The following CYBA variants were observed in gnomAD, a reference collection of about 807,000 sequenced individuals.
The protein encoded by CYBA is cytochrome b-245 light chain.
In CYBA, 21 loss-of-function variants were observed where a neutral mutation model predicts 20.8. That is an observed-to-expected ratio of 1.01 (90% CI 0.72 to 1.46). The LOEUF is 1.46. Among genes scored for constraint, CYBA ranks in the 40% most tolerant of loss-of-function variants. The pLI is 0.00. For synonymous variants in CYBA, 164 were observed against 127.5 expected (o/e 1.29, Z -1.93); for missense variants, 344 against 287.0 (o/e 1.20, Z -1.43).
At chr16:88,646,898 G>T in intron 3 of CYBA, 60 bp from the exon 4 acceptor site, 1 of 1,432,138 alleles carries the variant, frequency 7.0e-7, no homozygotes, top group Non-Finnish European at 9.8e-7. Context: ...GGACTCCTTT[G>T]CTGCCCTGCT....
intron 5 of CYBA, chr16:88,645,815 G>T: frequency 1.8e-6 from 1 of 552,450 alleles, no homozygotes; most frequent in Non-Finnish European, 3.2e-6. Context: ...GCCAGTCACA[G>T]CACCTCCCTG....
At chr16:88,645,982 G>A (rs928056484) in intron 5 of CYBA, 134 bp downstream of exon 5, 25 of 757,090 alleles carry the variant, frequency 3.3e-5, no homozygotes, top group African/African-American at 3.3e-4. Flanking sequence ...GTGAGCACAC[G>A]CCCAGGCTCA....
intron 5 of CYBA, 60 bp downstream of exon 5, chr16:88,646,056 T>C: frequency 7.2e-7 from 1 of 1,385,992 alleles, no homozygotes; most frequent in Non-Finnish European, 9.9e-7. Flanking sequence ...TGTCCGAGGG[T>C]GTCAGGGCAG....
chr16:88,650,797 G>T, intron 1 of CYBA, 159 bp downstream of exon 1: 1 of 746,762 alleles, frequency 1.3e-6, no homozygotes, highest in Non-Finnish European at 2.3e-6. Context: ...CGGCCTGAGG[G>T]TCCCGCCCCC....
intron 2 of CYBA, 50 bp from the exon 3 acceptor site, chr16:88,647,225 G>A (rs1907323535): frequency 6.4e-7 from 1 of 1,563,980 alleles, no homozygotes; most frequent in East Asian, 2.3e-5. Context: ...AGGGGCCACA[G>A]GGAACTCCCT....
rs1440408243 is a variant in CYBA, at chr16:88,643,510, ATCTGCGGCCGCTCC to A, written c.417_430del (p.Glu140ArgfsTer68). On this transcript the variant is annotated frameshift_variant, in exon 6 of 6. Transcript: ENST00000261623. This position sits in a 1 kb window ranked among gnomAD's most constrained non-coding sequence, Gnocchi z 4.3. ...GGGCGGCTGCTTGATGGTGCCTCCG[ATCTGCGGCCGCTCC>A]CGGGGCTTGGGCTCGATGGGCGTCC... 2 of 1,534,394 alleles carry A rather than the reference ATCTGCGGCCGCTCC, an allele frequency of 1.3e-6. No individual in the cohort carries two copies.
At chr16:88,646,285 G>A (rs1022510864) in intron 4 of CYBA, 88 bp from the exon 5 acceptor site, 2 of 387,752 alleles carry the variant, frequency 5.2e-6, no homozygotes, top group Non-Finnish European at 6.9e-6. Flanking sequence ...AGGCCACAAA[G>A]TCTCAGGACA....
At position 88,643,611 on chromosome 16, in the gene CYBA, G is replaced by A. The variant is rs552836213; in HGVS notation, c.370-40C>T. On this transcript the variant is annotated intron_variant, in intron 5 of 5. Coordinates refer to ENST00000261623, the MANE Select transcript of CYBA (RefSeq NM_000101.4). This position sits in a 1 kb window ranked among gnomAD's most constrained non-coding sequence, Gnocchi z 4.3. ...AGGGTTGAGCCGCGCCCCAGCGCCC[G>A]CCCTCCCTCCCTCCCTCCCTCCCCG... is the stretch of plus-strand genomic sequence containing the variant. The A allele has an allele frequency of 1.1e-3, 1,388 of 1,249,050 alleles. 10 individuals are homozygous for A. The Admixed American group carries it at 0.024, about 21-fold the overall frequency. 77.4% of individuals were successfully genotyped at this position (1,249,050 alleles called of 1,614,324 possible).
chr16:88,646,886 C>T (rs760949777), intron 3 of CYBA, 48 bp from the exon 4 acceptor site: 9 of 1,509,666 alleles, frequency 6.0e-6, no homozygotes, highest in South Asian at 1.1e-5. Context: ...CTCTCCCACT[C>T]GGGACTCCTT....
intron 5 of CYBA, chr16:88,645,057 GA>G: frequency 1.5e-6 from 1 of 649,160 alleles, no homozygotes; most frequent in South Asian, 1.7e-5. Flanking sequence ...GTTGTCTGCT[GA>G]GGAGCAGCTG....
chr16:88,647,239 C>T, intron 2 of CYBA, 64 bp from the exon 3 acceptor site: 1 of 1,500,196 alleles, frequency 6.7e-7, no homozygotes, highest in Non-Finnish European at 9.2e-7. Context: ...ACTCCCTTTA[C>T]TGAAGACAAC....
At chr16:88,645,519 TC>T in intron 5 of CYBA, 4 of 672,360 alleles carry the variant, frequency 5.9e-6, no homozygotes, top group Non-Finnish European at 1.1e-5. Context: ...AGCCGTCTGT[TC>T]CGGAGCCCAG....
intron 4 of CYBA, 34 bp downstream of exon 4, chr16:88,646,721 T>A: frequency 6.3e-7 from 1 of 1,588,254 alleles, no homozygotes; most frequent in Non-Finnish European, 8.6e-7. Context: ...CAAGCCCTCC[T>A]GAGCCCTAGA....
intron 1 of CYBA, among the ~76,000 whole-genome samples, chr16:88,649,769 G>A (rs906342583): frequency 3.3e-5 from 5 of 152,210 alleles, no homozygotes; most frequent in African/African-American, 7.2e-5. Context: ...AGTGCAGGGC[G>A]TCCAGTCTGG....
chr16:88,646,940 C>G (rs924484683), intron 3 of CYBA, 102 bp from the exon 4 acceptor site: 1 of 1,221,636 alleles, frequency 8.2e-7, no homozygotes, highest in Non-Finnish European at 1.2e-6. Flanking sequence ...CCTCTTTCCT[C>G]CCACAAAACA....
chr16:88,643,499 T>C lies in CYBA; in HGVS notation c.442A>G (p.Ile148Val). The C allele has an allele frequency of 6.5e-7, 1 of 1,534,088 alleles. No homozygotes were observed. Among genetic ancestry groups the C allele is most frequent in the Admixed American group, 2.0e-5 (1 of 50,916 alleles). Residue 148 changes from isoleucine (I) to valine (V), a missense_variant, in exon 6 of 6, where the codon ATC becomes GTC. Physicochemically the swap from Ile to Val is conservative, Grantham distance 29. Coordinates refer to ENST00000261623, the MANE Select transcript of CYBA (RefSeq NM_000101.4). The surrounding 1 kb of genome is among the most constrained non-coding windows in gnomAD (Gnocchi z 4.3). ...PRERPQIGGT[I>V]KQPPSNPPPR... ...GGGGGGTTGCTGGGCGGCTGCTTGA[T>C]GGTGCCTCCGATCTGCGGCCGCTCC...
At chr16:88,646,983 A>C in intron 3 of CYBA, 118 bp downstream of exon 3, 2 of 1,200,948 alleles carry the variant, frequency 1.7e-6, no homozygotes, top group Non-Finnish European at 2.4e-6. Flanking sequence ...GTTTACCCAC[A>C]AGCACCAAAG....
chr16:88,645,045 G>A (rs1353961546), intron 5 of CYBA: 1 of 639,002 alleles, frequency 1.6e-6, no homozygotes, highest in African/African-American at 1.8e-5. Context: ...GGCTGGTGGT[G>A]GGTTGTCTGC....
Position 88,643,461 on chromosome 16 carries a change from C to CG in CYBA, c.479dup (p.Ala161GlyfsTer52). The CG allele has an allele frequency of 6.5e-7, 1 of 1,530,878 alleles. No individual in the cohort carries two copies. The highest frequency in any genetic ancestry group is 8.8e-7 in the Non-Finnish European group (1 of 1,142,800). The allele number at this position is 1,530,878 out of a possible 1,614,324, so 94.8% of individuals were successfully genotyped here. On this transcript the variant is annotated frameshift_variant, in exon 6 of 6. Transcript: ENST00000261623. The surrounding 1 kb of genome is among the most constrained non-coding windows in gnomAD (Gnocchi z 4.3). ...CGCTGGGCTTCTTGCGGGCCTCGGC[C>CG]GGGGGCCGCGGCGGGGGGTTGCTGG...
Sources: allele counts gnomAD v4.1 joint callset (sites outside exome capture counted in the v4.1 genomes callset), GRCh38; gene constraint gnomAD v4.1.1; non-coding constraint Gnocchi (gnomAD v3.1); transcripts MANE v1.5; gene names NCBI Gene and HGNC (gene_info 2026-07-23, HGNC 2026-07-21).